The following ELOVL6 variants were observed in gnomAD, a reference collection of about 807,000 sequenced individuals.
ELOVL6 encodes the protein very long chain fatty acid elongase 6.
ELOVL6 carries 8 observed loss-of-function variants against 31.7 expected under a neutral mutation model. The ratio of observed to expected loss-of-function variants is 0.25; its 90% confidence interval spans 0.15 to 0.45. The LOEUF (loss-of-function observed/expected upper bound fraction) is 0.45, where lower values mean the gene tolerates loss of function less well. Ranked by LOEUF, ELOVL6 falls within the 20% of genes least tolerant of loss-of-function variation. The probability of loss-of-function intolerance (pLI) is 1.00; values close to 1 mark genes in which losing one functional copy is unlikely to be tolerated. For missense variants in ELOVL6, 126 were observed against 326.4 expected (o/e 0.39, Z 4.73); for synonymous variants, 101 against 117.7 (o/e 0.86, Z 0.92).
chr4:110,166,028 A>C lies in ELOVL6; in HGVS notation c.89+32219T>G, dbSNP rs145002439. 2.7e-4 allele frequency among the ~76,000 whole-genome samples: 41 copies of C among 152,020 alleles called. 1 individual carries two copies. In the East Asian group the frequency reaches 8.0e-3, roughly 30 times the overall value. Reference sequence around the variant, plus strand: ...CCTCTGTCAGTGACAGAGCCTCAGCACTCCTGGGACAGCTTATCAACAAAA... The same window carrying C: ...CCTCTGTCAGTGACAGAGCCTCAGCCCTCCTGGGACAGCTTATCAACAAAA... On this transcript the variant is annotated intron_variant, in intron 1 of 3. Coordinates refer to ENST00000302274, the MANE Select transcript of ELOVL6 (RefSeq NM_024090.3).
chr4:110,155,029 T>G (rs898012923), intron 1 of ELOVL6, among the ~76,000 whole-genome samples: 1 of 152,218 alleles, frequency 6.6e-6, no homozygotes, highest in African/African-American at 2.4e-5. Flanking sequence ...ACTTAATATA[T>G]GCTTGCTACA....
Position 110,049,882 on chromosome 4 carries a change from T to A in ELOVL6, c.*1456A>T, listed in dbSNP as rs528047945. 6.7e-6 allele frequency: 1 copy of A among 150,268 alleles called. No individual in the cohort carries two copies. Among genetic ancestry groups the A allele is most frequent in the East Asian group, 2.0e-4 (1 of 5,032 alleles). 9.3% of individuals were successfully genotyped at this position (150,268 alleles called of 1,614,324 possible). On this transcript the variant is annotated 3_prime_UTR_variant, in exon 4 of 4. Transcript: ENST00000302274. ...GACTGAAATATTACAGAGAATATTA[T>A]CCAGCTTTTTTTTTTTAAAGAATAT...
At chr4:110,091,567 C>T (rs1289681978) in intron 2 of ELOVL6, among the ~76,000 whole-genome samples, 2 of 152,092 alleles carry the variant, frequency 1.3e-5, no homozygotes, top group Non-Finnish European at 2.9e-5. Flanking sequence ...ACATCCCTGC[C>T]CCCTGCATAA....
chr4:110,098,656 G>A (rs1016612076), intron 2 of ELOVL6, among the ~76,000 whole-genome samples: 2 of 151,978 alleles, frequency 1.3e-5, no homozygotes, highest in African/African-American at 4.8e-5. Context: ...CATAAATGTA[G>A]TATTAACGAG....
At position 110,084,334 on chromosome 4, in the gene ELOVL6, TCACATATATGATATATGATATATAC is replaced by T. The variant is rs1560814922; in HGVS notation, c.221+21138_221+21162del. Among the ~76,000 whole-genome samples, 4 of 72,628 alleles carry T rather than the reference TCACATATATGATATATGATATATAC, an allele frequency of 5.5e-5. 1 individual carries two copies. Among genetic ancestry groups the T allele is most frequent in the African/African-American group, 3.7e-4 (4 of 10,918 alleles). 47.6% of individuals were successfully genotyped at this position (72,628 alleles called of 152,430 possible). A position where few individuals can be genotyped will look rare whatever the true frequency, so the allele number is the denominator to read the frequency against. On this transcript the variant is annotated intron_variant, in intron 2 of 3. Coordinates refer to ENST00000302274, the MANE Select transcript of ELOVL6 (RefSeq NM_024090.3). Reference sequence around the variant, plus strand: ...ATAACATATATAAATTTGATATATATCACATATATGATATATGATATATACCGCATATATGATATATGATATATAT... The same window carrying T: ...ATAACATATATAAATTTGATATATATCGCATATATGATATATGATATATAT...
chr4:110,195,259 A>G (rs749871620), intron 1 of ELOVL6, among the ~76,000 whole-genome samples: 81 of 152,134 alleles, frequency 5.3e-4, no homozygotes, highest in Non-Finnish European at 1.1e-3. Context: ...CTGGGATTAC[A>G]GGCACCCGCC....
intron 2 of ELOVL6, among the ~76,000 whole-genome samples, chr4:110,088,507 A>G (rs985536432): frequency 6.6e-6 from 1 of 152,186 alleles, no homozygotes; most frequent in Non-Finnish European, 1.5e-5. Flanking sequence ...CAGCAAAACT[A>G]GCATGGATTT....
intron 2 of ELOVL6, among the ~76,000 whole-genome samples, chr4:110,084,553 C>CATATATAT (rs1560815725): frequency 1.7e-5 from 1 of 57,936 alleles, no homozygotes; most frequent in African/African-American, 1.0e-4. Flanking sequence ...CACACACACA[C>CATATATAT]ACACACACAG....
At chr4:110,097,305 C>CAAAAAAAAAAAAAAAAAA (rs33970271) in intron 2 of ELOVL6, among the ~76,000 whole-genome samples, 3 of 88,700 alleles carry the variant, frequency 3.4e-5, no homozygotes, top group South Asian at 4.5e-4. Flanking sequence ...ACTCCATCTC[C>CAAAAAAAAAAAAAAAAAA]AAAAAAAAAA....
rs1003376306 is a variant in ELOVL6, at chr4:110,049,691, G to C, written c.*1647C>G. 1 of 150,688 alleles carries C rather than the reference G, an allele frequency of 6.6e-6. No homozygotes were observed. The highest frequency in any genetic ancestry group is 1.5e-5 in the Non-Finnish European group (1 of 67,780). 9.3% of individuals were successfully genotyped at this position (150,688 alleles called of 1,614,324 possible). On this transcript the variant is annotated 3_prime_UTR_variant, in exon 4 of 4. Transcript: ENST00000302274. ...TGTCTGTGTGTGTATGCGTGGCTAT[G>C]TGCGTGTAATCTATGCAGTGTGGAA...
intron 2 of ELOVL6, among the ~76,000 whole-genome samples, chr4:110,092,264 A>T (rs1444982076): frequency 6.6e-6 from 1 of 152,208 alleles, no homozygotes; most frequent in African/African-American, 2.4e-5. Context: ...GATGACAGTT[A>T]CTATTTAGAG....
intron 3 of ELOVL6, among the ~76,000 whole-genome samples, chr4:110,056,368 A>C (rs1369921272): frequency 6.6e-6 from 1 of 152,178 alleles, no homozygotes; most frequent in Non-Finnish European, 1.5e-5. Context: ...GCATGGGAAA[A>C]AAAAGTCATC....
rs546571874 is a variant in ELOVL6, at chr4:110,170,457, G to A, written c.89+27790C>T. 2.0e-5 allele frequency among the ~76,000 whole-genome samples: 3 copies of A among 152,288 alleles called. No homozygotes were observed. The South Asian group carries it at 6.2e-4, about 32-fold the overall frequency. On this transcript the variant is annotated intron_variant, in intron 1 of 3. Coordinates refer to ENST00000302274, the MANE Select transcript of ELOVL6 (RefSeq NM_024090.3). ...TCATAGTACTTTTGTAGTCATTTGT[G>A]GTCATGCAAAGAGCAGTGAAAAAAT...
intron 2 of ELOVL6, among the ~76,000 whole-genome samples, chr4:110,076,980 G>A (rs149863528): frequency 0.032 from 4,823 of 152,152 alleles, 111 homozygotes; most frequent in East Asian, 0.11. Flanking sequence ...ACAGAGCCTC[G>A]CTCATTGCTA....
chr4:110,084,529 C>T (rs1318200241), intron 2 of ELOVL6, among the ~76,000 whole-genome samples: 1 of 71,252 alleles, frequency 1.4e-5, no homozygotes, highest in Non-Finnish European at 2.4e-5. Context: ...ATTATATACA[C>T]TTACACACAC....
chr4:110,152,668 A>G (rs919930872), intron 1 of ELOVL6, among the ~76,000 whole-genome samples: 1 of 152,216 alleles, frequency 6.6e-6, no homozygotes, highest in Non-Finnish European at 1.5e-5. Flanking sequence ...GAGATTCTGC[A>G]TCTCTGGCAA....
chr4:110,144,743 T>G (rs1758060815), intron 1 of ELOVL6, among the ~76,000 whole-genome samples: 1 of 152,168 alleles, frequency 6.6e-6, no homozygotes, highest in African/African-American at 2.4e-5. Flanking sequence ...TAAGCAACTC[T>G]TTAAACAGAC....
intron 2 of ELOVL6, among the ~76,000 whole-genome samples, chr4:110,066,283 C>T (rs1014713911): frequency 6.6e-6 from 1 of 152,064 alleles, no homozygotes; most frequent in African/African-American, 2.4e-5. Context: ...ATCTCAAACC[C>T]ACTGTAATGC....
In ELOVL6 at chr4:110,046,490, T is replaced by A. The variant is rs1309596870; in HGVS notation, c.*4848A>T. ...TCTAACTTCTAGAACAACTTCCACA[T>A]CACTTCCTTTAAAAAGTGTCAATCA... On this transcript the variant is annotated 3_prime_UTR_variant, in exon 4 of 4. Coordinates refer to ENST00000302274, the MANE Select transcript of ELOVL6 (RefSeq NM_024090.3). 1.3e-5 allele frequency: 2 copies of A among 152,180 alleles called. No individual in the cohort carries two copies. The highest frequency in any genetic ancestry group is 2.9e-5 in the Non-Finnish European group (2 of 68,036). The allele number at this position is 152,180 out of a possible 1,614,324, so 9.4% of individuals were successfully genotyped here. A position where few individuals can be genotyped will look rare whatever the true frequency, so the allele number is the denominator to read the frequency against.
Sources: allele counts gnomAD v4.1 joint callset (sites outside exome capture counted in the v4.1 genomes callset), GRCh38; gene constraint gnomAD v4.1.1; transcripts MANE v1.5; gene names NCBI Gene and HGNC (gene_info 2026-07-23, HGNC 2026-07-21).